Variants in ATP10B observed in about 807,000 individuals in gnomAD.
ATP10B encodes the protein ATPase phospholipid transporting 10B (putative).
A neutral mutation model predicts 141.2 loss-of-function variants in ATP10B; 122 were observed. The observed-to-expected ratio is 0.86, with a 90% CI of 0.75 to 1.00. The LOEUF is 1.00. ATP10B is among the 50% of genes least tolerant of loss of function. ATP10B has a pLI of 0.00. For synonymous variants in ATP10B, 685 were observed against 692.0 expected (o/e 0.99, Z 0.16); for missense variants, 1,876 against 1,825.3 (o/e 1.03, Z -0.51).
chr5:160,654,119 C>CGTATATACATATATAAATACGT (rs1761300189), intron 7 of ATP10B, among the ~76,000 whole-genome samples: 1 of 137,452 alleles, frequency 7.3e-6, no homozygotes, highest in African/African-American at 3.0e-5. Flanking sequence ...TATATAAATA[C>CGTATATACATATATAAATACGT]GTGTGTGTGT....
the ATP10B span, among the ~76,000 whole-genome samples, chr5:160,926,415 T>C: frequency 7.9e-5 from 12 of 152,198 alleles, no homozygotes; most frequent in Admixed American, 3.3e-4. Context: ...ATTCAAAATT[T>C]ATTCTTTCAA....
At chr5:160,698,222 T>C (rs1251226719) in intron 3 of ATP10B, among the ~76,000 whole-genome samples, 1 of 152,196 alleles carries the variant, frequency 6.6e-6, no homozygotes, top group East Asian at 1.9e-4. Flanking sequence ...TTTCCGTGAA[T>C]AGCATCTCTG....
At chr5:160,791,587 T>C (rs527299235) in intron 1 of ATP10B, among the ~76,000 whole-genome samples, 1 of 152,294 alleles carries the variant, frequency 6.6e-6, no homozygotes, top group South Asian at 2.1e-4. Context: ...CCAGGGTTAG[T>C]GCTTATTCTT....
intron 21 of ATP10B, among the ~76,000 whole-genome samples, chr5:160,601,920 G>A (rs563930158): frequency 6.6e-5 from 10 of 152,280 alleles, no homozygotes; most frequent in Admixed American, 3.3e-4. Context: ...TTGAAGCCAT[G>A]GGCTCCAGGC....
chr5:160,726,507 A>G (rs1175954555), intron 2 of ATP10B, among the ~76,000 whole-genome samples: 1 of 152,138 alleles, frequency 6.6e-6, no homozygotes, highest in Non-Finnish European at 1.5e-5. Context: ...TGTCTCTGGG[A>G]GGCAGGATAT....
chr5:160,827,263 C>T lies in ATP10B; in HGVS notation c.-576+24678G>A, dbSNP rs75803243. Among the ~76,000 whole-genome samples, 1,040 of 152,294 alleles carry T rather than the reference C, an allele frequency of 6.8e-3. 15 individuals are homozygous for T. The highest frequency in any genetic ancestry group is 0.021 in the African/African-American group (885 of 41,554). Reference sequence around the variant, plus strand: ...ACTTACAGAAAATAGGAAGAACCTACGTTGAAATATTGGGGGCAGGTTCCC... The same window carrying T: ...ACTTACAGAAAATAGGAAGAACCTATGTTGAAATATTGGGGGCAGGTTCCC... On this transcript the variant is annotated intron_variant, in intron 1 of 25. Coordinates refer to ENST00000327245, the MANE Select transcript of ATP10B (RefSeq NM_025153.3).
At chr5:160,692,798 A>G (rs1402063398) in intron 3 of ATP10B, 1 of 152,126 alleles carries the variant, frequency 6.6e-6, no homozygotes, top group Non-Finnish European at 1.5e-5. Flanking sequence ...ACTCTTATAA[A>G]CTTTAGCCCC....
At chr5:160,815,634 G>T (rs1773550581) in intron 1 of ATP10B, among the ~76,000 whole-genome samples, 1 of 152,106 alleles carries the variant, frequency 6.6e-6, no homozygotes, top group Non-Finnish European at 1.5e-5. Context: ...GGATATGGAG[G>T]AATTGAACTC....
intron 17 of ATP10B, among the ~76,000 whole-genome samples, chr5:160,613,294 A>G (rs1223866244): frequency 6.6e-6 from 1 of 152,164 alleles, no homozygotes; most frequent in Non-Finnish European, 1.5e-5. Context: ...TAGAGGGATC[A>G]GTGTGTGTGA....
intron 8 of ATP10B, among the ~76,000 whole-genome samples, chr5:160,648,726 T>C (rs1232608865): frequency 6.6e-6 from 1 of 152,132 alleles, no homozygotes; most frequent in Non-Finnish European, 1.5e-5. Flanking sequence ...GGAAACAGGC[T>C]CAGAGAGGTG....
the ATP10B span, among the ~76,000 whole-genome samples, chr5:160,889,965 C>A: frequency 1.3e-5 from 2 of 152,182 alleles, no homozygotes; most frequent in East Asian, 1.9e-4. Flanking sequence ...GATCCCTCTC[C>A]TCCTCCCTTC....
At position 160,787,854 on chromosome 5, in the gene ATP10B, T is replaced by C. The variant is rs181911770; in HGVS notation, c.-575-2051A>G. 9.1e-4 allele frequency among the ~76,000 whole-genome samples: 138 copies of C among 152,256 alleles called. No homozygotes were observed. The South Asian group carries it at 0.017, about 18-fold the overall frequency. On this transcript the variant is annotated intron_variant, in intron 1 of 25. Coordinates refer to ENST00000327245, the MANE Select transcript of ATP10B (RefSeq NM_025153.3). ...AAGTTATAAACTGGTGGCCCCATAG[T>C]CCGTATCCAGCTAATAGACGGTATT...
chr5:160,648,624 C>T (rs761114174), intron 8 of ATP10B, among the ~76,000 whole-genome samples: 1 of 152,130 alleles, frequency 6.6e-6, no homozygotes, highest in African/African-American at 2.4e-5. Context: ...TTCCTCTCTG[C>T]CAGTTGCTGT....
intron 2 of ATP10B, among the ~76,000 whole-genome samples, chr5:160,732,452 A>C (rs1430281969): frequency 6.6e-6 from 1 of 152,194 alleles, no homozygotes; most frequent in East Asian, 1.9e-4. Flanking sequence ...TTAAGTCTTT[A>C]ATCTGTTTTA....
chr5:160,795,799 G>A (rs1417475969), intron 1 of ATP10B, among the ~76,000 whole-genome samples: 2 of 152,050 alleles, frequency 1.3e-5, no homozygotes, highest in South Asian at 4.2e-4. Flanking sequence ...GCAGCCACCA[G>A]AAGCTAGAAG....
intron 13 of ATP10B, among the ~76,000 whole-genome samples, chr5:160,630,716 C>A (rs1271426353): frequency 2.0e-5 from 3 of 152,168 alleles, no homozygotes; most frequent in Non-Finnish European, 4.4e-5. Context: ...CCATGAAAAT[C>A]TTCCTGAAGA....
the ATP10B span, among the ~76,000 whole-genome samples, chr5:160,872,547 T>C: frequency 3.3e-5 from 5 of 152,218 alleles, no homozygotes; most frequent in African/African-American, 1.2e-4. Context: ...CTTGAATTGA[T>C]TTTTGTATGA....
intron 1 of ATP10B, among the ~76,000 whole-genome samples, chr5:160,787,875 G>A (rs1771284114): frequency 6.6e-6 from 1 of 152,120 alleles, no homozygotes; most frequent in Non-Finnish European, 1.5e-5. Context: ...CTAATAGACG[G>A]TATTATTCCC....
chr5:160,916,881 C>T, the ATP10B span, among the ~76,000 whole-genome samples: 4 of 152,284 alleles, frequency 2.6e-5, no homozygotes, highest in African/African-American at 9.6e-5. Context: ...ACTCTATTCT[C>T]TTTCCATCTA....
Sources: gnomAD v4.1 joint callset for allele counts (sites outside exome capture counted in the v4.1 genomes callset) on GRCh38, gnomAD v4.1.1 for gene constraint, MANE v1.5 for transcripts, NCBI Gene and HGNC (gene_info 2026-07-23, HGNC 2026-07-21) for gene names.